Variants in TASP1 observed in about 807,000 individuals in gnomAD.
TASP1 encodes the protein threonine aspartase 1.
TASP1 carries 16 observed loss-of-function variants against 56.6 expected under a neutral mutation model. The ratio of observed to expected loss-of-function variants is 0.28; its 90% CI spans 0.19 to 0.43. TASP1 has a LOEUF of 0.43. TASP1 is among the 20% of genes least tolerant of loss of function. The pLI is 1.00. For synonymous variants in TASP1, 179 were observed against 184.2 expected (o/e 0.97, Z 0.23); for missense variants, 393 against 511.6 (o/e 0.77, Z 2.24).
intron 13 of TASP1, among the ~76,000 whole-genome samples, chr20:13,409,551 A>G (rs1448291144): frequency 6.6e-6 from 1 of 152,018 alleles, no homozygotes; most frequent in African/African-American, 2.4e-5. Context: ...TTTGAAAATT[A>G]TTTTATTTCT....
At chr20:13,489,310 A>G (rs1303647369) in intron 10 of TASP1, among the ~76,000 whole-genome samples, 3 of 152,156 alleles carry the variant, frequency 2.0e-5, no homozygotes. Flanking sequence ...AGAAAGAGCT[A>G]CACATTCTTA....
the TASP1 span, among the ~76,000 whole-genome samples, chr20:13,367,482 T>C: frequency 6.6e-6 from 1 of 152,218 alleles, no homozygotes; most frequent in South Asian, 2.1e-4. Context: ...CCTTGATGAA[T>C]TGCGATCACT....
chr20:13,129,893 C>T, the TASP1 span, among the ~76,000 whole-genome samples: 1 of 151,908 alleles, frequency 6.6e-6, no homozygotes, highest in African/African-American at 2.4e-5. Context: ...ACTTTTTTAA[C>T]CTCAGTTTTA....
the TASP1 span, among the ~76,000 whole-genome samples, chr20:13,369,715 A>T: frequency 6.6e-6 from 1 of 152,242 alleles, no homozygotes; most frequent in Non-Finnish European, 1.5e-5. Context: ...GTCCAAAAGG[A>T]AGTGCAATGC....
At chr20:13,319,064 T>C in the TASP1 span, among the ~76,000 whole-genome samples, 6 of 152,182 alleles carry the variant, frequency 3.9e-5, no homozygotes, top group African/African-American at 1.2e-4. Flanking sequence ...TTGTAACAAA[T>C]GCATGACTCT....
At chr20:13,516,652 G>A (rs978109215) in intron 10 of TASP1, among the ~76,000 whole-genome samples, 1 of 132,120 alleles carries the variant, frequency 7.6e-6, no homozygotes, top group South Asian at 2.4e-4. Flanking sequence ...TTGATCTTAC[G>A]CCTTTGTTTT....
the TASP1 span, among the ~76,000 whole-genome samples, chr20:13,149,691 G>A: frequency 2.0e-5 from 3 of 152,196 alleles, no homozygotes; most frequent in African/African-American, 7.2e-5. Context: ...AAAACATTTA[G>A]TTCTTAGGAG....
the TASP1 span, among the ~76,000 whole-genome samples, chr20:13,311,532 C>T: frequency 1.2e-4 from 19 of 152,136 alleles, no homozygotes; most frequent in Non-Finnish European, 2.6e-4. Context: ...ATGAAATCAA[C>T]ATAAGTGTTC....
intron 9 of TASP1, among the ~76,000 whole-genome samples, chr20:13,531,836 T>C (rs1397144789): frequency 6.6e-6 from 1 of 152,170 alleles, no homozygotes; most frequent in Non-Finnish European, 1.5e-5. Flanking sequence ...AGCTATTTTT[T>C]GTATTTTTAG....
intron 11 of TASP1, among the ~76,000 whole-genome samples, chr20:13,473,980 G>C (rs551246526): frequency 1.3e-5 from 2 of 152,090 alleles, no homozygotes; most frequent in Admixed American, 1.3e-4. Context: ...AGGCTGAGGC[G>C]CAAGGACCGC....
intron 10 of TASP1, among the ~76,000 whole-genome samples, chr20:13,485,699 T>C (rs2043299080): frequency 6.6e-6 from 1 of 152,194 alleles, no homozygotes; most frequent in African/African-American, 2.4e-5. Flanking sequence ...ACAATAAAGC[T>C]AACAGAAAGA....
At chr20:13,362,819 A>ATATATATT in the TASP1 span, among the ~76,000 whole-genome samples, 1 of 69,768 alleles carries the variant, frequency 1.4e-5, no homozygotes, top group South Asian at 3.5e-4. Context: ...ATATATATAT[A>ATATATATT]TATATATATA....
At chr20:13,383,546 T>G in the TASP1 span, among the ~76,000 whole-genome samples, 1 of 152,186 alleles carries the variant, frequency 6.6e-6, no homozygotes. Flanking sequence ...GCAAAAGTGA[T>G]GCTGGGCCAT....
At chr20:13,138,337 C>T in the TASP1 span, among the ~76,000 whole-genome samples, 9 of 152,156 alleles carry the variant, frequency 5.9e-5, no homozygotes, top group Non-Finnish European at 2.9e-5. Flanking sequence ...GCTCTCATCC[C>T]TCCCCACAAT....
intron 11 of TASP1, among the ~76,000 whole-genome samples, chr20:13,452,279 T>C (rs2043650261): frequency 1.3e-5 from 2 of 152,010 alleles, no homozygotes; most frequent in African/African-American, 4.8e-5. Context: ...CTTCAATTTG[T>C]TTTGAAAAAT....
chr20:13,189,565 A>G, the TASP1 span, among the ~76,000 whole-genome samples: 2 of 152,186 alleles, frequency 1.3e-5, no homozygotes, highest in Admixed American at 6.5e-5. Context: ...GCTCAACATC[A>G]CTAATCATCA....
chr20:13,475,765 G>A (rs1001155677), intron 11 of TASP1, among the ~76,000 whole-genome samples: 5 of 151,566 alleles, frequency 3.3e-5, no homozygotes, highest in South Asian at 2.1e-4. Context: ...GCATGGTGGC[G>A]GATGCTTGTA....
At chr20:13,333,243 T>C in the TASP1 span, among the ~76,000 whole-genome samples, 1 of 152,216 alleles carries the variant, frequency 6.6e-6, no homozygotes, top group South Asian at 2.1e-4. Context: ...ATTTGTTTTG[T>C]TATTCTACCC....
chr20:13,374,226 A>C, the TASP1 span, among the ~76,000 whole-genome samples: 1 of 152,226 alleles, frequency 6.6e-6, no homozygotes, highest in African/African-American at 2.4e-5. Context: ...AAAATCTGAC[A>C]TTTGGTCCCT....
Sources: allele counts gnomAD v4.1 joint callset (sites outside exome capture counted in the v4.1 genomes callset), GRCh38; gene constraint gnomAD v4.1.1; transcripts MANE v1.5; gene names NCBI Gene and HGNC (gene_info 2026-07-23, HGNC 2026-07-21).